The following TAOK3 variants were observed in gnomAD, a reference collection of about 807,000 sequenced individuals.
TAOK3 encodes TAO kinase 3.
Under a neutral mutation model 120.4 loss-of-function variants are expected in TAOK3, and 40 were observed. That is an observed-to-expected ratio of 0.33 (90% CI 0.26 to 0.43). The LOEUF (loss-of-function observed/expected upper bound fraction) is 0.43, where lower values mean the gene tolerates loss of function less well. TAOK3 is among the 20% of genes least tolerant of loss of function. The pLI is 1.00. For synonymous variants in TAOK3, 355 were observed against 387.5 expected (o/e 0.92, Z 0.99); for missense variants, 821 against 1,112.1 (o/e 0.74, Z 3.72).
intron 17 of TAOK3, among the ~76,000 whole-genome samples, chr12:118,169,319 C>G (rs1227814605): frequency 8.7e-6 from 1 of 114,676 alleles, no homozygotes; most frequent in East Asian, 2.5e-4. Context: ...CACCCCCACC[C>G]CCCCCCCTTT....
chr12:118,215,235 C>A (rs1201016400), intron 9 of TAOK3, among the ~76,000 whole-genome samples: 29 of 143,588 alleles, frequency 2.0e-4, no homozygotes, highest in African/African-American at 7.1e-4. Flanking sequence ...GTGGCTCACG[C>A]CTGTAATCCC....
intron 1 of TAOK3, among the ~76,000 whole-genome samples, chr12:118,314,489 A>G (rs552282130): frequency 6.6e-6 from 1 of 152,338 alleles, no homozygotes; most frequent in African/African-American, 2.4e-5. Context: ...CTTTTGGATT[A>G]CTTGAGGATT....
At chr12:118,344,125 A>G (rs1042318848) in intron 1 of TAOK3, among the ~76,000 whole-genome samples, 3 of 151,072 alleles carry the variant, frequency 2.0e-5, no homozygotes, top group Non-Finnish European at 4.4e-5. Flanking sequence ...TCTGACTTCA[A>G]TGCTGTTTCT....
chr12:118,343,505 A>C (rs1458737480), intron 1 of TAOK3, among the ~76,000 whole-genome samples: 1 of 152,106 alleles, frequency 6.6e-6, no homozygotes, highest in Non-Finnish European at 1.5e-5. Context: ...CCTAGGAATC[A>C]GAATGCCCAG....
At chr12:118,180,729 G>A (rs2036662079) in intron 15 of TAOK3, among the ~76,000 whole-genome samples, 1 of 152,184 alleles carries the variant, frequency 6.6e-6, no homozygotes, top group Non-Finnish European at 1.5e-5. Flanking sequence ...TGTGGGTATG[G>A]CAGATACAGT....
intron 4 of TAOK3, 97 bp downstream of exon 4, chr12:118,244,797 G>C (rs763346263): frequency 4.9e-6 from 4 of 812,904 alleles, no homozygotes; most frequent in Non-Finnish European, 8.2e-6. Flanking sequence ...CAAAGTGCTG[G>C]GATTACAGGC....
At chr12:118,322,891 CA>C (rs1369816726) in intron 1 of TAOK3, among the ~76,000 whole-genome samples, 1 of 151,368 alleles carries the variant, frequency 6.6e-6, no homozygotes, top group African/African-American at 2.4e-5. Flanking sequence ...TTTGTATTTT[CA>C]ATAGAGACGG....
At chr12:118,207,327 A>AG (rs1228421124) in intron 11 of TAOK3, among the ~76,000 whole-genome samples, 5 of 147,806 alleles carry the variant, frequency 3.4e-5, no homozygotes, top group Admixed American at 7.0e-5. Flanking sequence ...ACTCCGTCTC[A>AG]GGAAAAAAAA....
intron 14 of TAOK3, among the ~76,000 whole-genome samples, chr12:118,189,553 C>G (rs1403229431): frequency 1.9e-4 from 22 of 115,298 alleles, no homozygotes; most frequent in African/African-American, 6.0e-4. Context: ...CACACACACA[C>G]ACACACACAC....
At chr12:118,309,817 C>T (rs1055590061) in intron 1 of TAOK3, among the ~76,000 whole-genome samples, 1 of 152,070 alleles carries the variant, frequency 6.6e-6, no homozygotes, top group Non-Finnish European at 1.5e-5. Flanking sequence ...GGCCCCGCCA[C>T]ATGGTGGTTT....
At chr12:118,179,970 G>A (rs1308724617) in intron 15 of TAOK3, among the ~76,000 whole-genome samples, 1 of 121,266 alleles carries the variant, frequency 8.2e-6, no homozygotes, top group Non-Finnish European at 1.7e-5. Flanking sequence ...TTTTGGAGAT[G>A]AAGTCTCGCT....
chr12:118,340,328 T>C (rs1169199575), intron 1 of TAOK3, among the ~76,000 whole-genome samples: 2 of 152,244 alleles, frequency 1.3e-5, no homozygotes, highest in Admixed American at 6.5e-5. Flanking sequence ...AAAGGTGTTA[T>C]ATAAAATTCA....
chr12:118,353,859 C>T (rs1227975718), intron 1 of TAOK3, among the ~76,000 whole-genome samples: 1 of 152,052 alleles, frequency 6.6e-6, no homozygotes, highest in African/African-American at 2.4e-5. Context: ...TTCACAACGG[C>T]TAAACATTTT....
At chr12:118,244,166 A>C (rs1320700618) in intron 4 of TAOK3, among the ~76,000 whole-genome samples, 2 of 152,098 alleles carry the variant, frequency 1.3e-5, no homozygotes, top group African/African-American at 4.8e-5. Flanking sequence ...AGGCTCAAGC[A>C]ATCTTCCCAC....
chr12:118,266,774 G>A lies in TAOK3; in HGVS notation c.-193-15C>T, dbSNP rs145694401. ...TATGATGCAACCTATAGAAAAAGAA[G>A]AACAAAATACATAATTATCAGCCAA... is the stretch of plus-strand genomic sequence containing the variant. On this transcript the variant is annotated splice_polypyrimidine_tract_variant and intron_variant, in intron 1 of 20. Transcript: ENST00000392533. 558 of 395,674 alleles carry A rather than the reference G, an allele frequency of 1.4e-3. No homozygotes were observed. Among genetic ancestry groups the A allele is most frequent in the Non-Finnish European group, 2.0e-3 (457 of 224,406 alleles). 24.5% of individuals were successfully genotyped at this position (395,674 alleles called of 1,614,324 possible).
At chr12:118,264,257 T>G (rs922078837) in intron 2 of TAOK3, among the ~76,000 whole-genome samples, 8 of 152,222 alleles carry the variant, frequency 5.3e-5, no homozygotes, top group Admixed American at 3.9e-4. Context: ...TGAAAGCTTA[T>G]GTCAATACAA....
chr12:118,308,436 ATAAAG>A (rs879255993), intron 1 of TAOK3, among the ~76,000 whole-genome samples: 4 of 152,214 alleles, frequency 2.6e-5, no homozygotes, highest in Admixed American at 2.6e-4. Flanking sequence ...TTACATTTGT[ATAAAG>A]TACTTTCACA....
At chr12:118,214,505 A>T (rs973835568) in intron 9 of TAOK3, among the ~76,000 whole-genome samples, 3 of 152,124 alleles carry the variant, frequency 2.0e-5, no homozygotes, top group Non-Finnish European at 4.4e-5. Flanking sequence ...AAAGAAAAAA[A>T]TTCATATTCA....
chr12:118,182,622 TA>T (rs61045176), intron 14 of TAOK3, among the ~76,000 whole-genome samples: 6,186 of 88,168 alleles, frequency 0.07, 166 homozygotes, highest in African/African-American at 0.1. Context: ...TATATATATA[TA>T]TTTTTTTTTT....
Sources: allele counts gnomAD v4.1 joint callset (sites outside exome capture counted in the v4.1 genomes callset), GRCh38; gene constraint gnomAD v4.1.1; transcripts MANE v1.5; gene names NCBI Gene and HGNC (gene_info 2026-07-23, HGNC 2026-07-21).